The following TLE6 variants were observed in gnomAD, a reference collection of about 807,000 sequenced individuals.
TLE6 encodes transducin-like enhancer protein 6.
TLE6 carries 72 observed loss-of-function variants against 77.1 expected under a neutral mutation model. That is an observed-to-expected ratio of 0.93 (90% CI 0.77 to 1.14). The LOEUF is 1.14. Among genes scored for constraint, TLE6 ranks in the 50% most tolerant of loss-of-function variants. The probability of loss-of-function intolerance (pLI) is 0.00; values close to 1 mark genes in which losing one functional copy is unlikely to be tolerated. For synonymous variants in TLE6, 366 were observed against 287.3 expected (o/e 1.27, Z -2.77); for missense variants, 843 against 747.6 (o/e 1.13, Z -1.49).
intron 1 of TLE6, among the ~76,000 whole-genome samples, chr19:2,977,982 G>T (rs998827753): frequency 3.2e-4 from 48 of 151,978 alleles, no homozygotes; most frequent in Non-Finnish European, 6.8e-4. Context: ...GGGAGGCAAG[G>T]CTCAGTTCTT....
rs1466765456 is a variant in TLE6 at position 2,980,154 on chromosome 19, A to G, written c.106A>G (p.Ile36Val). 6.5e-7 allele frequency: 1 copy of G among 1,549,182 alleles called. No individual in the cohort carries two copies. The highest frequency in any genetic ancestry group is 2.5e-5 in the East Asian group (1 of 40,766). Residue 36 changes from isoleucine (I) to valine (V), a missense_variant, in exon 3 of 17, where the codon ATT (isoleucine) becomes GTT (valine). Transcript: ENST00000246112. ...ESSPTLNYQG[I>V]LNRLKQFPRF... ...CTCTCCGACGCTGAATTATCAGGGCATTCTAAATCGGCTCAAGCAGTTCCC... is the reference window on the plus strand; with the variant it reads ...CTCTCCGACGCTGAATTATCAGGGCGTTCTAAATCGGCTCAAGCAGTTCCC...
chr19:2,978,116 G>C (rs79276900), intron 1 of TLE6, 82 bp from the exon 2 acceptor site: 2 of 1,017,814 alleles, frequency 2.0e-6, no homozygotes, highest in Non-Finnish European at 1.5e-6. Context: ...TGGGAGGTGC[G>C]GGTGGGGTAA....
intron 13 of TLE6, among the ~76,000 whole-genome samples, chr19:2,990,138 C>T (rs2089011722): frequency 6.6e-6 from 1 of 152,080 alleles, no homozygotes. Context: ...GTGCCTCAAA[C>T]ATGTAAACCC....
intron 15 of TLE6, 21 bp downstream of exon 15, chr19:2,993,603 G>A (rs1291169306): frequency 3.2e-6 from 5 of 1,538,686 alleles, no homozygotes; most frequent in Non-Finnish European, 3.5e-6. Flanking sequence ...GGCGGAAGAT[G>A]AGGGGACTCC....
At chr19:2,980,766 A>T (rs942772024) in intron 3 of TLE6, among the ~76,000 whole-genome samples, 4 of 150,010 alleles carry the variant, frequency 2.7e-5, no homozygotes, top group African/African-American at 9.8e-5. Flanking sequence ...AAAGTACTGC[A>T]TGGGCTGGGT....
chr19:2,989,723 C>T lies in TLE6; in HGVS notation c.1182C>T (p.Ala394=). ...ATGCCAACCTGGATGCCAACCTGGCCTTCGCCAGCTTCACCAGTGGTGTGG... is the reference window on the plus strand; with the variant it reads ...ATGCCAACCTGGATGCCAACCTGGCTTTCGCCAGCTTCACCAGTGGTGTGG... ...ALDANLDANL[A]FASFTSGVVR... The change falls in exon 13 of 17, where the codon GCC becomes GCT. Residue 394 remains alanine (A), a synonymous_variant. Transcript: ENST00000246112. The T allele has an allele frequency of 6.2e-7, 1 of 1,614,226 alleles. No individual in the cohort carries two copies. Among genetic ancestry groups the T allele is most frequent in the Non-Finnish European group, 8.5e-7 (1 of 1,180,044 alleles).
At position 2,991,812 on chromosome 19, in the gene TLE6, C is replaced by T. The variant is rs201413431; in HGVS notation, c.1245-31C>T. The stretch of plus-strand genomic sequence containing the variant: ...GGGGCCCAAACCTCAGAGTCTTGAC[C>T]TGATTGCCTCCCGATGTCCCTTCTG... On this transcript the variant is annotated intron_variant, in intron 13 of 16. Coordinates refer to ENST00000246112, the MANE Select transcript of TLE6 (RefSeq NM_001143986.2). 2.5e-6 allele frequency: 4 copies of T among 1,611,390 alleles called. No homozygotes were observed. In the East Asian group the frequency reaches 8.9e-5, roughly 36 times the overall value.
chr19:2,977,571 T>G lies in TLE6; in HGVS notation c.-76T>G, dbSNP rs1029179140. Reference sequence around the variant, plus strand: ...CCCGGTGGGGGAAGGAGGAGTTTCCTCTTGGCCTGAACTTGGCTGACCTCC... The same window carrying G: ...CCCGGTGGGGGAAGGAGGAGTTTCCGCTTGGCCTGAACTTGGCTGACCTCC... On this transcript the variant is annotated 5_prime_UTR_variant, in exon 1 of 17. Transcript: ENST00000246112. 3 of 152,590 alleles carry G rather than the reference T, an allele frequency of 2.0e-5. No individual in the cohort carries two copies. Among genetic ancestry groups the G allele is most frequent in the South Asian group, 2.1e-4 (1 of 4,858 alleles). 9.5% of individuals were successfully genotyped at this position (152,590 alleles called of 1,614,324 possible).
At position 2,994,893 on chromosome 19, in the gene TLE6, C is replaced by G. The variant is rs116114551; in HGVS notation, c.1615-7C>G. The G allele has an allele frequency of 1.1e-4, 175 of 1,579,874 alleles. No individual in the cohort carries two copies. The highest frequency in any genetic ancestry group is 1.7e-4 in the Middle Eastern group (1 of 5,994). On this transcript the variant is annotated splice_region_variant and splice_polypyrimidine_tract_variant and intron_variant, in intron 16 of 16. Transcript: ENST00000246112. ...CCCCAGCTCACTGCCCACTGCCCCC[C>G]CTCCAGGTGCCTGAGATGTCTCCAG...
rs1487334518 is a variant in TLE6, at chr19:2,992,793, A to ACGGGGGGG, written c.1387-639_1387-638insCGGGGGGG. ...AGACCCTGTCTCAAAAAAAAAAAAA[A>ACGGGGGGG]GGGGGGGAGGCGGGTGGGGGGGGGG... On this transcript the variant is annotated intron_variant, in intron 14 of 16. Transcript: ENST00000246112. Among the ~76,000 whole-genome samples the ACGGGGGGG allele has an allele frequency of 6.6e-4, 13 of 19,760 alleles. 1 individual carries two copies. The highest frequency in any genetic ancestry group is 3.1e-3 in the African/African-American group (12 of 3,876). The allele number at this position is 19,760 out of a possible 152,430, so 13.0% of individuals were successfully genotyped here.
intron 13 of TLE6, among the ~76,000 whole-genome samples, chr19:2,989,987 T>C (rs1401669497): frequency 6.6e-6 from 1 of 152,208 alleles, no homozygotes; most frequent in Non-Finnish European, 1.5e-5. Flanking sequence ...TTGGCTGGAC[T>C]GCGTTCCTTG....
intron 11 of TLE6, among the ~76,000 whole-genome samples, chr19:2,988,648 CA>C (rs2088971257): frequency 1.3e-5 from 2 of 152,092 alleles, no homozygotes; most frequent in South Asian, 4.2e-4. Flanking sequence ...ACACTGGGCT[CA>C]AGGCATTTGG....
rs1482509945 is a variant in TLE6 at position 2,989,558 on chromosome 19, C to G, written c.1017C>G (p.Thr339=). Residue 339 remains threonine (T), a synonymous_variant, in exon 13 of 17, where the codon ACC becomes ACG. Coordinates refer to ENST00000246112, the MANE Select transcript of TLE6 (RefSeq NM_001143986.2). ...AGACCCCTGGGGCCTTCCTGCGCAC[C>G]TGCCTGCTGTCCTCAAACAGCAGGA... is the stretch of plus-strand genomic sequence containing the variant. The part of the protein sequence containing the change: ...PIQTPGAFLR[T]CLLSSNSRSL... The G allele has an allele frequency of 7.4e-6, 12 of 1,612,766 alleles. No individual in the cohort carries two copies. Among genetic ancestry groups the G allele is most frequent in the Non-Finnish European group, 1.0e-5 (12 of 1,179,822 alleles).
intron 7 of TLE6, 49 bp downstream of exon 7, chr19:2,987,287 T>G: frequency 6.2e-7 from 1 of 1,614,182 alleles, no homozygotes; most frequent in Non-Finnish European, 8.5e-7. Flanking sequence ...AGGCTGCGTC[T>G]CAGGGGCTGT....
At position 2,980,215 on chromosome 19, in the gene TLE6, G is replaced by T. The variant is rs779630765; in HGVS notation, c.134+33G>T. The T allele has an allele frequency of 2.6e-5, 39 of 1,527,438 alleles. No homozygotes were observed. In the South Asian group the frequency reaches 4.1e-4, roughly 16 times the overall value. The allele number at this position is 1,527,438 out of a possible 1,614,324, so 94.6% of individuals were successfully genotyped here. ...CAATTCCAGGGGCCGGAGGTCTCAC[G>T]CTGGGAAGGAGCCCCACCTGGCCTC... On this transcript the variant is annotated intron_variant, in intron 3 of 16. Transcript: ENST00000246112.
chr19:2,989,650 A>C lies in TLE6; in HGVS notation c.1109A>C (p.His370Pro). ...SVWDLAAPSLHVKEQLPCAGL... is the reference protein window; with the variant it reads ...SVWDLAAPSLPVKEQLPCAGL... The stretch of plus-strand genomic sequence containing the variant: ...TGGGACCTGGCGGCGCCCTCCCTGC[A>C]TGTGAAGGAGCAGTTGCCCTGTGCA... The change falls in exon 13 of 17, where the codon CAT becomes CCT. Residue 370 changes from histidine (H) to proline (P), a missense_variant. By Grantham distance (77) the His-to-Pro change is moderately conservative. Coordinates refer to ENST00000246112, the MANE Select transcript of TLE6 (RefSeq NM_001143986.2). The C allele has an allele frequency of 1.2e-6, 2 of 1,614,162 alleles. No individual in the cohort carries two copies. The highest frequency in any genetic ancestry group is 8.5e-7 in the Non-Finnish European group (1 of 1,180,022).
At chr19:2,992,165 A>C (rs418667) in intron 14 of TLE6, among the ~76,000 whole-genome samples, 181 bp downstream of exon 14, 1 of 151,540 alleles carries the variant, frequency 6.6e-6, no homozygotes, top group African/African-American at 2.4e-5. Context: ...GTGAAACCCC[A>C]TCTCCACTAA....
intron 14 of TLE6, among the ~76,000 whole-genome samples, 197 bp downstream of exon 14, chr19:2,992,181 C>T (rs1021557038): frequency 4.0e-5 from 6 of 151,684 alleles, no homozygotes; most frequent in African/African-American, 1.5e-4. Flanking sequence ...ACTAAAAATA[C>T]AAAAATCAGA....
In TLE6 at chr19:2,980,042, G is replaced by C. The variant is rs1191119081; in HGVS notation, c.52-58G>C. 3.6e-6 allele frequency: 5 copies of C among 1,384,212 alleles called. No individual in the cohort carries two copies. In the East Asian group the frequency reaches 1.0e-4, roughly 28 times the overall value. 85.7% of individuals were successfully genotyped at this position (1,384,212 alleles called of 1,614,324 possible). The stretch of plus-strand genomic sequence containing the variant: ...CTATGCCATGTTGAGGTGGAGACCG[G>C]GGGTCTTGGGTGTTGGAGCATTGTA... On this transcript the variant is annotated intron_variant, in intron 2 of 16. Coordinates refer to ENST00000246112, the MANE Select transcript of TLE6 (RefSeq NM_001143986.2).
Sources: gnomAD v4.1 joint callset for allele counts (sites outside exome capture counted in the v4.1 genomes callset) on GRCh38, gnomAD v4.1.1 for gene constraint, MANE v1.5 for transcripts, NCBI Gene and HGNC (gene_info 2026-07-23, HGNC 2026-07-21) for gene names.